ALMS1: variants seen among roughly 807,000 people sequenced by gnomAD.
ALMS1 encodes ALMS1 centrosome and basal body associated protein.
In ALMS1, 271 loss-of-function variants were observed where a neutral mutation model predicts 352.2. The observed-to-expected ratio is 0.77, with a 90% CI of 0.70 to 0.85. The LOEUF is 0.85. Ranked by LOEUF, ALMS1 falls within the 40% of genes least tolerant of loss-of-function variation. The probability of loss-of-function intolerance (pLI) is 0.00; values close to 1 mark genes in which losing one functional copy is unlikely to be tolerated. For synonymous variants in ALMS1, 1,865 were observed against 1,761.2 expected, an observed-to-expected ratio of 1.06 and a Z score of -1.48; for missense variants, 5,445 against 4,870.7, an observed-to-expected ratio of 1.12 and a Z score of -3.51.
chr2:73,519,569 G>A (rs745783488), intron 10 of ALMS1, among the ~76,000 whole-genome samples: 17 of 152,068 alleles, frequency 1.1e-4, no homozygotes, highest in Non-Finnish European at 2.2e-4. Flanking sequence ...TAGGTTTTAA[G>A]ATAAAAGTAA....
At chr2:73,458,437 A>G (rs1481104987) in intron 9 of ALMS1, 1 of 152,184 alleles carries the variant, frequency 6.6e-6, no homozygotes, top group African/African-American at 2.4e-5. Flanking sequence ...ATCCTCATCT[A>G]TAGCCTGAGG....
At chr2:73,495,376 A>G (rs1391043573) in intron 10 of ALMS1, among the ~76,000 whole-genome samples, 4 of 152,044 alleles carry the variant, frequency 2.6e-5, no homozygotes, top group Non-Finnish European at 4.4e-5. Context: ...CTGGGATTAC[A>G]GGTCTGCACC....
Position 73,447,954 on chromosome 2 carries a change from C to A in ALMS1, c.1433-6C>A. ...ATATACTATTAACAAATCTCTTTTT[C>A]TTTAGGAGACACTTCTAAAGGAGGC... On this transcript the variant is annotated splice_region_variant and splice_polypyrimidine_tract_variant and intron_variant, in intron 7 of 22. Transcript: ENST00000613296. 5 of 1,602,552 alleles carry A rather than the reference C, an allele frequency of 3.1e-6. No individual in the cohort carries two copies. Among genetic ancestry groups the A allele is most frequent in the Non-Finnish European group, 4.3e-6 (5 of 1,174,440 alleles).
chr2:73,476,712 A>G (rs1178611448), intron 9 of ALMS1, among the ~76,000 whole-genome samples: 1 of 151,718 alleles, frequency 6.6e-6, no homozygotes, highest in African/African-American at 2.4e-5. Flanking sequence ...CCAGTTGTAT[A>G]CCTTCTCTGG....
intron 17 of ALMS1, among the ~76,000 whole-genome samples, chr2:73,599,806 C>G (rs1375282389): frequency 2.6e-5 from 4 of 152,168 alleles, no homozygotes; most frequent in African/African-American, 9.7e-5. Context: ...AGCATTTTTA[C>G]TTTTGAAATG....
In ALMS1 at chr2:73,449,259, G is replaced by A; in HGVS notation, c.2732G>A (p.Arg911Lys). The change falls in exon 8 of 23, where the codon AGA becomes AAA. Residue 911 changes from arginine (R) to lysine (K), a missense_variant. Transcript: ENST00000613296. The part of the protein sequence containing the change: ...PSAPSSFYSH[R>K]EKPIIFSQQT... ...GCACCATCTAGTTTCTACTCACACAGAGAGAAGCCCATTATTTTTTCCCAG... is the reference window on the plus strand; with the variant it reads ...GCACCATCTAGTTTCTACTCACACAAAGAGAAGCCCATTATTTTTTCCCAG... 1 of 1,614,068 alleles carries A rather than the reference G, an allele frequency of 6.2e-7. No homozygotes were observed. The highest frequency in any genetic ancestry group is 2.2e-5 in the East Asian group (1 of 44,874).
intron 13 of ALMS1, among the ~76,000 whole-genome samples, chr2:73,553,269 A>T (rs1674475211): frequency 6.6e-6 from 1 of 152,208 alleles, no homozygotes; most frequent in Admixed American, 6.5e-5. Context: ...AAATTATTTC[A>T]CTAAAACAAG....
chr2:73,545,285 G>A (rs935480424), intron 12 of ALMS1, among the ~76,000 whole-genome samples: 2 of 150,846 alleles, frequency 1.3e-5, no homozygotes, highest in African/African-American at 4.9e-5. Context: ...GATTCAAGCA[G>A]TTCTCCTGCC....
At chr2:73,477,963 C>T (rs1672616075) in intron 9 of ALMS1, among the ~76,000 whole-genome samples, 1 of 152,036 alleles carries the variant, frequency 6.6e-6, no homozygotes, top group Non-Finnish European at 1.5e-5. Context: ...TAATTTCTAA[C>T]CTGGTTGCCC....
At chr2:73,601,584 C>T (rs1434531078) in intron 19 of ALMS1, 148 bp downstream of exon 19, 3 of 1,304,284 alleles carry the variant, frequency 2.3e-6, no homozygotes, top group African/African-American at 1.5e-5. Flanking sequence ...TTTTCACGCA[C>T]GAGGGTTGGG....
chr2:73,402,270 C>CTT (rs61360284), intron 1 of ALMS1, among the ~76,000 whole-genome samples: 188 of 122,766 alleles, frequency 1.5e-3, no homozygotes, highest in East Asian at 0.011. Context: ...TTCTCTCTCT[C>CTT]TTTTTTTTTT....
chr2:73,538,702 C>A lies in ALMS1; in HGVS notation c.9907+3753C>A, dbSNP rs184610493. On this transcript the variant is annotated intron_variant, in intron 12 of 22. Coordinates refer to ENST00000613296, the MANE Select transcript of ALMS1 (RefSeq NM_001378454.1). ...CTCCCACCCTAATACTGCGCTTTTC[C>A]AACGGGCTTAAAAAATGGCACACCA... Among the ~76,000 whole-genome samples, 1,335 of 152,278 alleles carry A rather than the reference C, an allele frequency of 8.8e-3. 7 individuals carry two copies. The highest frequency in any genetic ancestry group is 0.017 in the Middle Eastern group (5 of 294).
intron 9 of ALMS1, among the ~76,000 whole-genome samples, chr2:73,475,308 C>G (rs935392103): frequency 1.3e-5 from 2 of 152,038 alleles, no homozygotes; most frequent in Non-Finnish European, 2.9e-5. Flanking sequence ...AACTTCTAAA[C>G]TTTTTTCTGA....
chr2:73,416,458 T>C (rs1572909274), intron 2 of ALMS1, among the ~76,000 whole-genome samples: 2 of 152,322 alleles, frequency 1.3e-5, no homozygotes, highest in South Asian at 4.1e-4. Flanking sequence ...ACTGATATTA[T>C]GTAGTGGATA....
chr2:73,415,586 G>T (rs557965529), intron 2 of ALMS1, among the ~76,000 whole-genome samples: 3 of 152,140 alleles, frequency 2.0e-5, no homozygotes, highest in African/African-American at 7.2e-5. Context: ...TGAAAATTAG[G>T]AGCGTTCAAT....
chr2:73,500,838 C>T (rs1360254952), intron 10 of ALMS1, among the ~76,000 whole-genome samples: 2 of 152,096 alleles, frequency 1.3e-5, no homozygotes, highest in African/African-American at 4.8e-5. Flanking sequence ...TTATTTTCCA[C>T]AGTCTTCCAA....
chr2:73,470,802 G>A (rs1299806009), intron 9 of ALMS1: 1 of 151,676 alleles, frequency 6.6e-6, no homozygotes, highest in Admixed American at 6.6e-5. Context: ...GTGTATATAT[G>A]TTTATACTTG....
intron 9 of ALMS1, among the ~76,000 whole-genome samples, chr2:73,474,316 A>ACT (rs1672535016): frequency 6.6e-6 from 1 of 151,574 alleles, no homozygotes; most frequent in Non-Finnish European, 1.5e-5. Flanking sequence ...TCACATGGTA[A>ACT]TACGTTTCTT....
At chr2:73,385,759 G>A (rs923670008), upstream of ALMS1, 10 of 563,108 alleles carry the variant, frequency 1.8e-5, no homozygotes, top group Middle Eastern at 4.6e-4. Context: ...GCCCCGCCCA[G>A]GCGGGCGGCA....
Sources: allele counts gnomAD v4.1 joint callset (sites outside exome capture counted in the v4.1 genomes callset), GRCh38; gene constraint gnomAD v4.1.1; transcripts MANE v1.5; gene names NCBI Gene and HGNC (gene_info 2026-07-23, HGNC 2026-07-21).